The following PLXND1 variants were observed in gnomAD, a reference collection of about 807,000 sequenced individuals.
PLXND1 encodes the protein plexin-D1.
A neutral mutation model predicts 197.7 loss-of-function variants in PLXND1; 54 were observed. The observed-to-expected ratio is 0.27, with a 90% CI of 0.22 to 0.34. The LOEUF is 0.34. Among genes scored for constraint, PLXND1 ranks in the 10% least tolerant of loss-of-function variants. PLXND1 has a pLI of 1.00. For synonymous variants in PLXND1, 1,180 were observed against 1,161.2 expected (o/e 1.02, Z -0.33); for missense variants, 2,127 against 2,699.2 (o/e 0.79, Z 4.70).
At chr3:129,590,008 C>T (rs1400467519) in intron 1 of PLXND1, among the ~76,000 whole-genome samples, 2 of 152,124 alleles carry the variant, frequency 1.3e-5, no homozygotes, top group Non-Finnish European at 2.9e-5. Context: ...GCTGGCTCTG[C>T]GTCTCCACAG....
At chr3:129,599,759 T>C (rs1446571971) in intron 1 of PLXND1, among the ~76,000 whole-genome samples, 1 of 152,166 alleles carries the variant, frequency 6.6e-6, no homozygotes, top group Non-Finnish European at 1.5e-5. Context: ...CAATGGGCCC[T>C]GCCTGAATCT....
At chr3:129,568,062 C>T (rs1378649954) in intron 20 of PLXND1, among the ~76,000 whole-genome samples, 1 of 151,778 alleles carries the variant, frequency 6.6e-6, no homozygotes, top group Non-Finnish European at 1.5e-5. Context: ...TGTAGTGTTA[C>T]AGCTCTGTTA....
chr3:129,589,310 T>TGGGCCCCCCCCCCCCC, intron 2 of PLXND1, 41 bp downstream of exon 2: 1 of 501,292 alleles, frequency 2.0e-6, no homozygotes. Context: ...CAGGGGAGCC[T>TGGGCCCCCCCCCCCCC]CCCACCCCCA....
In PLXND1 at chr3:129,605,523, C is replaced by A; in HGVS notation, c.1117G>T (p.Glu373Ter). 1 of 1,517,854 alleles carries A rather than the reference C, an allele frequency of 6.6e-7. No individual in the cohort carries two copies. 94.0% of individuals were successfully genotyped at this position (1,517,854 alleles called of 1,614,324 possible). The change falls in exon 1 of 36, where the codon GAG becomes TAG. Residue 373 changes from glutamate (E) to a stop codon, truncating the protein, a stop_gained. Transcript: ENST00000324093. LOFTEE classifies it high-confidence loss of function. The part of the protein sequence containing the change: ...PARERLFAVF[E>*]RPQGSPAARA... ...GCCGCGGGGGACCCCTGGGGCCGCTCGAAGACAGCAAAGAGCCGCTCCCGG... is the reference window on the plus strand; with the variant it reads ...GCCGCGGGGGACCCCTGGGGCCGCTAGAAGACAGCAAAGAGCCGCTCCCGG...
At chr3:129,564,921 C>T (rs143838684) in intron 25 of PLXND1, among the ~76,000 whole-genome samples, 2 of 152,250 alleles carry the variant, frequency 1.3e-5, no homozygotes, top group African/African-American at 4.8e-5. Context: ...AGGGAGGCCT[C>T]GTGAGCTGAG....
rs2085201944 is a variant in PLXND1, at chr3:129,570,084, CAT to C, written c.3751-129_3751-128del. ...TGAGCCTCAGGTGCCACACTGATAACATAGAGATAACAATGTCCACCTCCTGG... is the reference window on the plus strand; with the variant it reads ...TGAGCCTCAGGTGCCACACTGATAACAGAGATAACAATGTCCACCTCCTGG... On this transcript the variant is annotated intron_variant, in intron 19 of 35. Coordinates refer to ENST00000324093, the MANE Select transcript of PLXND1 (RefSeq NM_015103.3). The C allele has an allele frequency of 2.2e-4, 144 of 655,122 alleles. 3 individuals are homozygous for C. The South Asian group carries it at 2.4e-3, about 11-fold the overall frequency. The allele number at this position is 655,122 out of a possible 1,614,324, so 40.6% of individuals were successfully genotyped here. A position where few individuals can be genotyped will look rare whatever the true frequency, so the allele number is the denominator to read the frequency against.
In PLXND1 at chr3:129,577,281, C is replaced by A. The variant is rs544965713; in HGVS notation, c.2346+1048G>T. ...CCCTGGGGAGCAGGAGGGCAGGCGC[C>A]CCTGCAGCTCGGTCAGAGTGGAGGC... On this transcript the variant is annotated intron_variant, in intron 9 of 35. Transcript: ENST00000324093. This position sits in a 1 kb window ranked among gnomAD's most constrained non-coding sequence, Gnocchi z 5.0. 4.0e-4 allele frequency among the ~76,000 whole-genome samples: 61 copies of A among 152,306 alleles called. No homozygotes were observed. Among genetic ancestry groups the A allele is most frequent in the African/African-American group, 1.4e-3 (60 of 41,572 alleles).
rs1005457939 is a variant in PLXND1 at position 129,558,234 on chromosome 3, G to T, written c.5445+194C>A. Among the ~76,000 whole-genome samples the T allele has an allele frequency of 6.6e-6, 1 of 152,196 alleles. No individual in the cohort carries two copies. Among genetic ancestry groups the T allele is most frequent in the Non-Finnish European group, 1.5e-5 (1 of 68,038 alleles). On this transcript the variant is annotated intron_variant, in intron 33 of 35. Coordinates refer to ENST00000324093, the MANE Select transcript of PLXND1 (RefSeq NM_015103.3). The surrounding 1 kb of genome is among the most constrained non-coding windows in gnomAD (Gnocchi z 4.1). ...TCTGCAGCGATACAGAGTTTCTGATGGAAGGTACTGGCTTCTAGGTGTCTC... is the reference window on the plus strand; with the variant it reads ...TCTGCAGCGATACAGAGTTTCTGATTGAAGGTACTGGCTTCTAGGTGTCTC...
At chr3:129,562,999 G>A (rs1042662946) in intron 26 of PLXND1, 56 bp from the exon 27 acceptor site, 3 of 1,607,160 alleles carry the variant, frequency 1.9e-6, no homozygotes, top group Non-Finnish European at 2.6e-6. Flanking sequence ...CACTATGTCA[G>A]TGCCCAGGCA....
intron 23 of PLXND1, 102 bp downstream of exon 23, chr3:129,566,425 G>A (rs71333625): frequency 0.04 from 30,857 of 765,210 alleles, 807 homozygotes; most frequent in Non-Finnish European, 0.054. Context: ...TCCCAACTCC[G>A]CATGACAGGG....
In PLXND1 at chr3:129,586,642, G is replaced by A; in HGVS notation, c.1566C>T (p.Val522=). The change falls in exon 3 of 36, where the codon GTC becomes GTT. Residue 522 remains valine, a synonymous_variant. Coordinates refer to ENST00000324093, the MANE Select transcript of PLXND1 (RefSeq NM_015103.3). The part of the protein sequence containing the change: ...TVAYGEPVHH[V]MQFDPADSGY... ...CGGAGTCTGCTGGGTCAAACTGCAT[G>A]ACATGGTGCACGGGCTCCCCATAGG... The A allele has an allele frequency of 6.3e-7, 1 of 1,581,992 alleles. No individual in the cohort carries two copies. Among genetic ancestry groups the A allele is most frequent in the Non-Finnish European group, 8.6e-7 (1 of 1,163,462 alleles).
chr3:129,569,509 G>A (rs1423144753), intron 20 of PLXND1: 1 of 272,680 alleles, frequency 3.7e-6, no homozygotes, highest in Non-Finnish European at 7.1e-6. Context: ...CACCAGACAT[G>A]TAGGTTAATT....
chr3:129,562,511 A>AAAAC (rs955486735), intron 27 of PLXND1: 8 of 354,368 alleles, frequency 2.3e-5, no homozygotes, highest in South Asian at 5.9e-5. Context: ...TCCCGTCTCA[A>AAAAC]AAACAAACAA....
intron 1 of PLXND1, among the ~76,000 whole-genome samples, chr3:129,589,800 G>C (rs1399266191): frequency 6.6e-6 from 1 of 152,148 alleles, no homozygotes; most frequent in Non-Finnish European, 1.5e-5. Flanking sequence ...GGTCAGGTTT[G>C]ATTTTAAAGA....
chr3:129,578,289 C>A, intron 9 of PLXND1, 40 bp downstream of exon 9: 1 of 1,330,052 alleles, frequency 7.5e-7, no homozygotes, highest in East Asian at 2.4e-5. Context: ...TCCCCGGCCT[C>A]CTCCTGGCCC....
intron 25 of PLXND1, among the ~76,000 whole-genome samples, chr3:129,564,721 C>T (rs576953291): frequency 3.7e-4 from 56 of 152,372 alleles, no homozygotes; most frequent in Admixed American, 1.6e-3. Flanking sequence ...TCCCAGCCTC[C>T]GCTCTCATCC....
At chr3:129,573,175 T>G (rs959589359) in intron 13 of PLXND1, among the ~76,000 whole-genome samples, 1 of 152,124 alleles carries the variant, frequency 6.6e-6, no homozygotes, top group Non-Finnish European at 1.5e-5. Flanking sequence ...TCCACACGCC[T>G]GATGCACGGC....
In PLXND1 at chr3:129,556,024, G is replaced by A. The variant is rs1578297182; in HGVS notation, c.*288C>T. On this transcript the variant is annotated 3_prime_UTR_variant, in exon 36 of 36. Coordinates refer to ENST00000324093, the MANE Select transcript of PLXND1 (RefSeq NM_015103.3). ...GGACCAACTGGACGTTGTGGAGCAA[G>A]TGGGTGGGCACAGTGCAGGCCGTGC... The A allele has an allele frequency of 2.7e-6, 1 of 369,156 alleles. No individual in the cohort carries two copies. Among genetic ancestry groups the A allele is most frequent in the East Asian group, 5.7e-5 (1 of 17,652 alleles). 22.9% of individuals were successfully genotyped at this position (369,156 alleles called of 1,614,324 possible). A position where few individuals can be genotyped will look rare whatever the true frequency, so the allele number is the denominator to read the frequency against.
At chr3:129,573,767 G>A (rs375749250) in intron 12 of PLXND1, 22 bp from the exon 13 acceptor site, 25 of 1,609,420 alleles carry the variant, frequency 1.6e-5, no homozygotes, top group Admixed American at 8.4e-5. Flanking sequence ...CCCGAGAGAG[G>A]GGCGAATGGG....
Sources: allele counts gnomAD v4.1 joint callset (sites outside exome capture counted in the v4.1 genomes callset), GRCh38; gene constraint gnomAD v4.1.1; non-coding constraint Gnocchi (gnomAD v3.1); transcripts MANE v1.5; gene names NCBI Gene and HGNC (gene_info 2026-07-23, HGNC 2026-07-21).